The following ADAM12 variants were observed in gnomAD, a reference collection of about 807,000 sequenced individuals.
ADAM12 encodes the protein disintegrin and metalloproteinase domain-containing protein 12.
Under a neutral mutation model 106.4 loss-of-function variants are expected in ADAM12, and 70 were observed. The ratio of observed to expected loss-of-function variants is 0.66; its 90% CI spans 0.54 to 0.80. The LOEUF (loss-of-function observed/expected upper bound fraction) is 0.80, where lower values mean the gene tolerates loss of function less well. ADAM12 is among the 30% of genes least tolerant of loss of function. The pLI is 0.00. For missense variants in ADAM12, 1,010 were observed against 1,171.9 expected (o/e 0.86, Z 2.02); for synonymous variants, 420 against 433.5 (o/e 0.97, Z 0.39).
Position 126,038,734 on chromosome 10 carries a change from C to T in ADAM12, c.2241-385G>A, listed in dbSNP as rs1954102061. Among the ~76,000 whole-genome samples the T allele has an allele frequency of 2.6e-5, 4 of 152,026 alleles. No homozygotes were observed. The South Asian group carries it at 8.3e-4, about 32-fold the overall frequency. ...TTACTAATATAAGGGTGGGAGAAAA[C>T]ACATCAGTGGAATTTCCTGACACCC... On this transcript the variant is annotated intron_variant, in intron 19 of 22. Transcript: ENST00000448723.
intron 1 of ADAM12, among the ~76,000 whole-genome samples, chr10:126,378,331 C>T (rs1487317416): frequency 2.0e-5 from 3 of 152,126 alleles, no homozygotes; most frequent in African/African-American, 7.2e-5. Context: ...CCTAAGATAG[C>T]AAGGATCCTC....
At chr10:126,232,487 C>G (rs1565155085) in intron 3 of ADAM12, among the ~76,000 whole-genome samples, 2 of 152,090 alleles carry the variant, frequency 1.3e-5, no homozygotes. Flanking sequence ...TTGTTTGAAG[C>G]CATGAAGTTT....
At chr10:126,168,767 C>T (rs187506517) in intron 3 of ADAM12, among the ~76,000 whole-genome samples, 68 of 151,764 alleles carry the variant, frequency 4.5e-4, no homozygotes, top group Non-Finnish European at 7.1e-4. Context: ...AATTCCTTAG[C>T]GCACGGCCAG....
At chr10:126,182,474 T>C (rs1303911886) in intron 3 of ADAM12, among the ~76,000 whole-genome samples, 1 of 152,242 alleles carries the variant, frequency 6.6e-6, no homozygotes, top group African/African-American at 2.4e-5. Flanking sequence ...AATGAAAGTT[T>C]ATTAAATTCT....
intron 3 of ADAM12, among the ~76,000 whole-genome samples, chr10:126,161,762 A>AG (rs541015869): frequency 1.8e-3 from 274 of 152,234 alleles, no homozygotes; most frequent in African/African-American, 6.3e-3. Context: ...GAGAGAACTA[A>AG]GGGGGGTGGA....
intron 12 of ADAM12, among the ~76,000 whole-genome samples, chr10:126,070,044 A>G (rs901131968): frequency 2.0e-5 from 3 of 152,222 alleles, no homozygotes; most frequent in African/African-American, 7.2e-5. Context: ...AAGACAAACC[A>G]TTTTCAGCCA....
chr10:126,285,356 A>G (rs1384109198), intron 2 of ADAM12, among the ~76,000 whole-genome samples: 1 of 152,216 alleles, frequency 6.6e-6, no homozygotes, highest in Non-Finnish European at 1.5e-5. Flanking sequence ...GAATCGATAT[A>G]TTTTTATCTA....
In ADAM12 at chr10:126,337,964, C is replaced by G. The variant is rs369664059; in HGVS notation, c.89-7455G>C. 7.0e-4 allele frequency among the ~76,000 whole-genome samples: 106 copies of G among 152,224 alleles called. 1 individual carries two copies. The highest frequency in any genetic ancestry group is 2.4e-3 in the African/African-American group (101 of 41,532). Reference sequence around the variant, plus strand: ...ATCCTTTGGACTTATGATGACAAAACAACAATTCTTCTGGCACCACAGATA... The same window carrying G: ...ATCCTTTGGACTTATGATGACAAAAGAACAATTCTTCTGGCACCACAGATA... On this transcript the variant is annotated intron_variant, in intron 1 of 22. Coordinates refer to ENST00000448723, the MANE Select transcript of ADAM12 (RefSeq NM_001288973.2).
At chr10:126,245,432 C>A (rs1483548231) in intron 3 of ADAM12, among the ~76,000 whole-genome samples, 3 of 152,136 alleles carry the variant, frequency 2.0e-5, no homozygotes, top group Non-Finnish European at 2.9e-5. Flanking sequence ...ACTATGGAGG[C>A]ATGGGGGACA....
chr10:126,293,749 G>GA (rs1298222055), intron 2 of ADAM12, among the ~76,000 whole-genome samples: 1 of 152,042 alleles, frequency 6.6e-6, no homozygotes, highest in Non-Finnish European at 1.5e-5. Flanking sequence ...TTGAACTCCT[G>GA]ACCTCAGGTG....
At chr10:126,103,724 G>C (rs1361202688) in intron 8 of ADAM12, among the ~76,000 whole-genome samples, 1 of 152,206 alleles carries the variant, frequency 6.6e-6, no homozygotes. Context: ...TGTACAAATG[G>C]AGCTTGGCAG....
At chr10:126,215,192 TC>T (rs1346648147) in intron 3 of ADAM12, among the ~76,000 whole-genome samples, 2 of 152,192 alleles carry the variant, frequency 1.3e-5, no homozygotes. Flanking sequence ...CCAGCTCTGC[TC>T]CTGAAGGTAC....
At chr10:126,157,777 C>T (rs548832558) in intron 3 of ADAM12, among the ~76,000 whole-genome samples, 69 of 152,324 alleles carry the variant, frequency 4.5e-4, no homozygotes, top group African/African-American at 1.6e-3. Flanking sequence ...AGCTCACCTC[C>T]TCTGAGCTGC....
chr10:126,046,880 A>C lies in ADAM12; in HGVS notation c.1918-748T>G, dbSNP rs1481440861. Among the ~76,000 whole-genome samples the C allele has an allele frequency of 2.0e-5, 3 of 148,952 alleles. No homozygotes were observed. The Admixed American group carries it at 2.0e-4, about 10-fold the overall frequency. On this transcript the variant is annotated intron_variant, in intron 16 of 22. Coordinates refer to ENST00000448723, the MANE Select transcript of ADAM12 (RefSeq NM_001288973.2). The stretch of plus-strand genomic sequence containing the variant: ...TCCTTATCCCAGGGCCTGGATAGAC[A>C]TAGATGGAGACTCCAAGAATCCAGG...
rs1954557666 is a variant in ADAM12 at position 126,053,537 on chromosome 10, A to G, written c.1610-3868T>C. Among the ~76,000 whole-genome samples the G allele has an allele frequency of 1.3e-5, 2 of 152,210 alleles. No homozygotes were observed. The highest frequency in any genetic ancestry group is 4.1e-4 in the South Asian group (2 of 4,828). On this transcript the variant is annotated intron_variant, in intron 14 of 22. Coordinates refer to ENST00000448723, the MANE Select transcript of ADAM12 (RefSeq NM_001288973.2). The surrounding 1 kb of genome is among the most constrained non-coding windows in gnomAD (Gnocchi z 4.6). ...GCTTGTGGCCAATTCGAATATGTGA[A>G]TTTTTACCAACACAGATGACACAGT...
intron 18 of ADAM12, chr10:126,041,296 A>G (rs1369712726): frequency 1.0e-5 from 10 of 983,296 alleles, no homozygotes; most frequent in East Asian, 1.1e-4. Flanking sequence ...ATGCTTGCTC[A>G]TGGCCTGCCT....
intron 2 of ADAM12, among the ~76,000 whole-genome samples, chr10:126,324,951 G>A (rs1399144811): frequency 1.3e-5 from 2 of 152,002 alleles, no homozygotes; most frequent in South Asian, 2.1e-4. Flanking sequence ...GGAACTCCAC[G>A]TGTGGTAGCT....
chr10:126,283,942 T>C (rs1382975206), intron 2 of ADAM12, among the ~76,000 whole-genome samples: 1 of 152,206 alleles, frequency 6.6e-6, no homozygotes, highest in Non-Finnish European at 1.5e-5. Context: ...TTAAGTCCCA[T>C]CCAGACTTGA....
intron 5 of ADAM12, 45 bp downstream of exon 5, chr10:126,135,539 A>C: frequency 6.4e-7 from 1 of 1,569,586 alleles, no homozygotes; most frequent in African/African-American, 1.4e-5. Flanking sequence ...GGTTGCCTGC[A>C]GTAGATGGCT....
Sources: allele counts gnomAD v4.1 joint callset (sites outside exome capture counted in the v4.1 genomes callset), GRCh38; gene constraint gnomAD v4.1.1; non-coding constraint Gnocchi (gnomAD v3.1); transcripts MANE v1.5; gene names NCBI Gene and HGNC (gene_info 2026-07-23, HGNC 2026-07-21).